The following PCDHA6 variants were observed in gnomAD, a reference collection of about 807,000 sequenced individuals.
PCDHA6 encodes the protein protocadherin alpha 6.
Under a neutral mutation model 60.3 loss-of-function variants are expected in PCDHA6, and 55 were observed. The observed-to-expected ratio is 0.91, with a 90% CI of 0.73 to 1.14. The LOEUF (loss-of-function observed/expected upper bound fraction) is 1.14, where lower values mean the gene tolerates loss of function less well. Among genes scored for constraint, PCDHA6 ranks in the 50% most tolerant of loss-of-function variants. The pLI, the probability that PCDHA6 is intolerant of heterozygous loss-of-function variation, is 0.00. For synonymous variants in PCDHA6, 652 were observed against 557.9 expected (o/e 1.17, Z -2.38); for missense variants, 1,327 against 1,256.5 (o/e 1.06, Z -0.85).
At chr5:140,992,318 C>G (rs2097504992) in intron 3 of PCDHA6, among the ~76,000 whole-genome samples, 1 of 152,128 alleles carries the variant, frequency 6.6e-6, no homozygotes, top group African/African-American at 2.4e-5. Flanking sequence ...TGGGCATTCC[C>G]TTTTCTAAGA....
chr5:140,968,923 T>G lies in PCDHA6; in HGVS notation c.2395-10026T>G, dbSNP rs140504777. The G allele has an allele frequency of 2.9e-3, 4,668 of 1,614,212 alleles. 4 individuals are homozygous for G. Among genetic ancestry groups the G allele is most frequent in the Non-Finnish European group, 3.3e-3 (3,916 of 1,180,046 alleles). ...CATTAAGCACAGTGTCTTTTATATT[T>G]CTTTTGACAATCATCATTTTGAGCA... On this transcript the variant is annotated intron_variant, in intron 1 of 3. Coordinates refer to ENST00000529310, the MANE Select transcript of PCDHA6 (RefSeq NM_018909.4).
At chr5:140,886,860 C>T (rs1363871264) in intron 1 of PCDHA6, among the ~76,000 whole-genome samples, 1 of 151,304 alleles carries the variant, frequency 6.6e-6, no homozygotes, top group East Asian at 1.9e-4. Flanking sequence ...AAGGTCTTCC[C>T]AACTCCTATA....
chr5:140,857,980 G>A (rs2045073152), intron 1 of PCDHA6: 1 of 1,597,100 alleles, frequency 6.3e-7, no homozygotes, highest in Non-Finnish European at 8.6e-7. Context: ...CGCCACGCCA[G>A]CGCCTACTGG....
intron 1 of PCDHA6, chr5:140,857,826 T>A (rs782420102): frequency 6.3e-7 from 1 of 1,597,464 alleles, no homozygotes; most frequent in South Asian, 1.1e-5. Context: ...GTGGCTAAGG[T>A]GCGCGCAGTG....
chr5:140,871,665 C>G, intron 1 of PCDHA6: 1 of 1,187,684 alleles, frequency 8.4e-7, no homozygotes, highest in African/African-American at 1.5e-5. Flanking sequence ...CATCTTCAGT[C>G]TTTTAATCAT....
chr5:140,982,802 T>G (rs2153829847), intron 3 of PCDHA6, among the ~76,000 whole-genome samples: 1 of 152,122 alleles, frequency 6.6e-6, no homozygotes, highest in South Asian at 2.1e-4. Context: ...TGCATGTGTG[T>G]GTGTGTGTAT....
At chr5:140,898,026 T>G (rs11167645) in intron 1 of PCDHA6, among the ~76,000 whole-genome samples, 49,476 of 151,852 alleles carry the variant, frequency 0.33, 8,303 homozygotes, top group East Asian at 0.53. Flanking sequence ...GCCCACTTTT[T>G]GATGGGGTTG....
chr5:140,856,592 A>G lies in PCDHA6; in HGVS notation c.2394+26107A>G, dbSNP rs782076669. The G allele has an allele frequency of 1.2e-5, 19 of 1,597,836 alleles. 1 individual carries two copies. The highest frequency in any genetic ancestry group is 8.6e-6 in the Non-Finnish European group (10 of 1,167,414). On this transcript the variant is annotated intron_variant, in intron 1 of 3. Transcript: ENST00000529310. ...AAATGAGTATTTTGTTCTTGATATTATAAACAAAAAAGACAAAGACAAATT... is the reference window on the plus strand; with the variant it reads ...AAATGAGTATTTTGTTCTTGATATTGTAAACAAAAAAGACAAAGACAAATT...
At position 141,010,210 on chromosome 5, in the gene PCDHA6, G is replaced by A. The variant is rs2098416466; in HGVS notation, c.*273G>A. ...AGTTTCCTTTCTCCTCCGCCGCAAA[G>A]GAGAGGCTTCCCAGCCCCGCCAGTG... On this transcript the variant is annotated 3_prime_UTR_variant, in exon 4 of 4. Transcript: ENST00000529310. 4 of 1,551,736 alleles carry A rather than the reference G, an allele frequency of 2.6e-6. No homozygotes were observed. Among genetic ancestry groups the A allele is most frequent in the African/African-American group, 1.4e-5 (1 of 73,050 alleles).
At chr5:140,946,219 G>A (rs2093905754) in intron 1 of PCDHA6, among the ~76,000 whole-genome samples, 1 of 151,856 alleles carries the variant, frequency 6.6e-6, no homozygotes, top group Non-Finnish European at 1.5e-5. Context: ...TGACCAACAG[G>A]TATACTAAAA....
chr5:140,884,092 G>A (rs1443036011), intron 1 of PCDHA6: 17 of 1,613,438 alleles, frequency 1.1e-5, no homozygotes, highest in Non-Finnish European at 1.4e-5. Flanking sequence ...CGTGGCTTTC[G>A]TATGAATTGC....
chr5:140,985,955 G>A (rs1284756138), intron 3 of PCDHA6, among the ~76,000 whole-genome samples: 1 of 151,674 alleles, frequency 6.6e-6, no homozygotes, highest in Non-Finnish European at 1.5e-5. Flanking sequence ...TAGCCAGGAT[G>A]GTCTCAATCT....
rs2150440099 is a variant in PCDHA6 at position 140,849,547 on chromosome 5, C to T, written c.2394+19062C>T. The T allele has an allele frequency of 7.5e-5, 120 of 1,598,270 alleles. 12 individuals are homozygous for T. Among genetic ancestry groups the T allele is most frequent in the Non-Finnish European group, 6.2e-5 (72 of 1,167,888 alleles). ...GTAAATGACAATGCTCCACAGTTGA[C>T]TATCAAAACGCTCTCGGTTCCTGTA... On this transcript the variant is annotated intron_variant, in intron 1 of 3. Coordinates refer to ENST00000529310, the MANE Select transcript of PCDHA6 (RefSeq NM_018909.4).
chr5:140,987,244 A>T (rs1184597193), intron 3 of PCDHA6, among the ~76,000 whole-genome samples: 1 of 152,018 alleles, frequency 6.6e-6, no homozygotes, highest in Non-Finnish European at 1.5e-5. Context: ...ATAAAGAAAG[A>T]AAGACATTCT....
intron 3 of PCDHA6, among the ~76,000 whole-genome samples, chr5:140,999,230 G>A (rs2097851745): frequency 6.6e-6 from 1 of 152,194 alleles, no homozygotes; most frequent in Non-Finnish European, 1.5e-5. Flanking sequence ...TTTGAGAATA[G>A]GTGGTTAAAG....
chr5:140,836,700 A>C, intron 1 of PCDHA6: 1 of 1,613,438 alleles, frequency 6.2e-7, no homozygotes, highest in Non-Finnish European at 8.5e-7. Context: ...CATGGCCTTC[A>C]GTCCCAGCCT....
chr5:140,912,122 C>A (rs1008861945), intron 1 of PCDHA6, among the ~76,000 whole-genome samples: 1 of 152,194 alleles, frequency 6.6e-6, no homozygotes, highest in Admixed American at 6.5e-5. Context: ...GAGGCTAAGT[C>A]AGTCTAATCT....
At chr5:140,875,428 C>T (rs782761347) in intron 1 of PCDHA6, 1 of 1,537,796 alleles carries the variant, frequency 6.5e-7, no homozygotes, top group Non-Finnish European at 8.7e-7. Context: ...GGCAAGCGAT[C>T]CCTTAAAACT....
At chr5:140,884,066 G>A in intron 1 of PCDHA6, 1 of 1,613,512 alleles carries the variant, frequency 6.2e-7, no homozygotes, top group South Asian at 1.1e-5. Flanking sequence ...GGTGGACGCC[G>A]ATTCGGGCTA....
Sources: allele counts gnomAD v4.1 joint callset (sites outside exome capture counted in the v4.1 genomes callset), GRCh38; gene constraint gnomAD v4.1.1; transcripts MANE v1.5; gene names NCBI Gene and HGNC (gene_info 2026-07-23, HGNC 2026-07-21).